INPP4B: variants seen among roughly 807,000 people sequenced by gnomAD.
INPP4B encodes inositol polyphosphate-4-phosphatase type II B.
In INPP4B, 55 loss-of-function variants were observed where a neutral mutation model predicts 122.5. The observed-to-expected ratio is 0.45, with a 90% CI of 0.36 to 0.56. The LOEUF (loss-of-function observed/expected upper bound fraction) is 0.56. INPP4B is among the 20% of genes least tolerant of loss of function. INPP4B has a pLI of 0.00. For missense variants in INPP4B, 1,000 were observed against 1,097.7 expected, an observed-to-expected ratio of 0.91 and a Z score of 1.26; for synonymous variants, 403 against 388.7, an observed-to-expected ratio of 1.04 and a Z score of -0.43.
intron 1 of INPP4B, among the ~76,000 whole-genome samples, chr4:142,762,615 T>C (rs1771514766): frequency 6.6e-6 from 1 of 152,162 alleles, no homozygotes; most frequent in Admixed American, 6.5e-5. Context: ...ATCTAACCCA[T>C]TGCAGTACAC....
rs1447921226 is a variant in INPP4B, at chr4:142,023,521, GTTGT to G, written c.*5257_*5260del. The G allele has an allele frequency of 6.6e-5, 10 of 152,248 alleles. No homozygotes were observed. Among genetic ancestry groups the G allele is most frequent in the African/African-American group, 2.2e-4 (9 of 41,566 alleles). 9.4% of individuals were successfully genotyped at this position (152,248 alleles called of 1,614,324 possible). On this transcript the variant is annotated 3_prime_UTR_variant, in exon 26 of 26. Transcript: ENST00000262992. ...TATGCAAACTTTTGAAAGTTTCATA[GTTGT>G]TTAACAAAATATTTTTAATGTTGAT...
intron 2 of INPP4B, among the ~76,000 whole-genome samples, chr4:142,723,972 T>C (rs1765023442): frequency 6.6e-6 from 1 of 152,146 alleles, no homozygotes; most frequent in African/African-American, 2.4e-5. Context: ...TATTCCTCAA[T>C]ATCTCACTTC....
chr4:142,116,737 T>C (rs1366411329), intron 21 of INPP4B, among the ~76,000 whole-genome samples: 2 of 151,844 alleles, frequency 1.3e-5, no homozygotes, highest in Admixed American at 1.3e-4. Flanking sequence ...CACCCTAACA[T>C]CACAATTAAA....
intron 2 of INPP4B, among the ~76,000 whole-genome samples, chr4:142,714,717 C>T (rs918431403): frequency 4.6e-5 from 7 of 152,100 alleles, no homozygotes; most frequent in African/African-American, 1.7e-4. Context: ...CTTGAAGTTA[C>T]TCTTTTTCTC....
At chr4:142,509,597 T>G (rs1472944220) in intron 2 of INPP4B, among the ~76,000 whole-genome samples, 1 of 152,216 alleles carries the variant, frequency 6.6e-6, no homozygotes, top group African/African-American at 2.4e-5. Context: ...ATGGTGTATA[T>G]GTGCCACATT....
intron 12 of INPP4B, among the ~76,000 whole-genome samples, chr4:142,227,303 G>C (rs1851972741): frequency 6.6e-6 from 1 of 152,134 alleles, no homozygotes; most frequent in East Asian, 1.9e-4. Flanking sequence ...TCTGATGGAA[G>C]ATTGTTTCCA....
At chr4:142,040,447 T>A (rs554678285) in intron 25 of INPP4B, among the ~76,000 whole-genome samples, 1 of 152,206 alleles carries the variant, frequency 6.6e-6, no homozygotes, top group Non-Finnish European at 1.5e-5. Context: ...AAGGGAAGAC[T>A]TGTGGCTGGA....
intron 6 of INPP4B, 102 bp from the exon 7 acceptor site, chr4:142,403,156 T>G (rs1169880172): frequency 6.9e-6 from 5 of 721,864 alleles, no homozygotes; most frequent in African/African-American, 1.8e-5. Flanking sequence ...CCTGAGTCTG[T>G]TTTTCAAGGA....
intron 2 of INPP4B, among the ~76,000 whole-genome samples, chr4:142,628,972 CATTTT>C (rs1560889063): frequency 6.6e-6 from 1 of 152,078 alleles, no homozygotes; most frequent in Non-Finnish European, 1.5e-5. Flanking sequence ...ACCTCTCTCA[CATTTT>C]ATTTATTCTT....
intron 7 of INPP4B, among the ~76,000 whole-genome samples, chr4:142,383,203 T>C (rs1794806046): frequency 6.6e-6 from 1 of 152,168 alleles, no homozygotes; most frequent in Non-Finnish European, 1.5e-5. Context: ...ATTTATAATC[T>C]TTGCACCTAT....
chr4:142,229,675 AAT>A (rs1384151306), intron 12 of INPP4B, among the ~76,000 whole-genome samples: 1 of 152,210 alleles, frequency 6.6e-6, no homozygotes, highest in Non-Finnish European at 1.5e-5. Context: ...GAGATGCCAG[AAT>A]ATCACTCAAA....
intron 17 of INPP4B, among the ~76,000 whole-genome samples, chr4:142,154,310 T>C (rs531242340): frequency 9.2e-5 from 14 of 152,198 alleles, no homozygotes; most frequent in Non-Finnish European, 1.6e-4. Flanking sequence ...AACTAGAACC[T>C]TTGTAATCTG....
At chr4:142,355,856 A>G (rs1783420279) in intron 7 of INPP4B, among the ~76,000 whole-genome samples, 1 of 137,900 alleles carries the variant, frequency 7.3e-6, no homozygotes, top group Non-Finnish European at 1.7e-5. Flanking sequence ...TTTCATGGAG[A>G]GAAGCCTTTT....
intron 18 of INPP4B, among the ~76,000 whole-genome samples, chr4:142,127,660 AT>A (rs1398989801): frequency 6.6e-6 from 1 of 152,224 alleles, no homozygotes. Flanking sequence ...GACAATGACA[AT>A]ATCGGAAAGC....
chr4:142,235,961 T>C (rs1217630513), intron 12 of INPP4B, among the ~76,000 whole-genome samples: 1 of 152,232 alleles, frequency 6.6e-6, no homozygotes, highest in Non-Finnish European at 1.5e-5. Flanking sequence ...AATAAATTAT[T>C]GTTAACTGTA....
At chr4:142,037,270 G>T (rs1322045532) in intron 25 of INPP4B, among the ~76,000 whole-genome samples, 1 of 152,120 alleles carries the variant, frequency 6.6e-6, no homozygotes, top group Non-Finnish European at 1.5e-5. Context: ...TACATGAGGA[G>T]ATATATCCGT....
rs189449284 is a variant in INPP4B, at chr4:142,241,853, C to T, written c.689-3842G>A. On this transcript the variant is annotated intron_variant, in intron 11 of 25. Coordinates refer to ENST00000262992, the MANE Select transcript of INPP4B (RefSeq NM_001101669.3). ...TCAAACATTTATTTCACCAGGTTAT[C>T]GTTTATATGTTTCTCCAGAGGAAGC... 9.9e-4 allele frequency among the ~76,000 whole-genome samples: 150 copies of T among 152,208 alleles called. 1 individual carries two copies. Among genetic ancestry groups the T allele is most frequent in the African/African-American group, 3.3e-3 (139 of 41,558 alleles).
At chr4:142,480,729 G>C in intron 2 of INPP4B, among the ~76,000 whole-genome samples, 1 of 152,108 alleles carries the variant, frequency 6.6e-6, no homozygotes, top group East Asian at 1.9e-4. Context: ...AGTAAAATTG[G>C]CATCTAAAAT....
rs10008759 is a variant in INPP4B, at chr4:142,227,587, A to G, written c.836+10277T>C. Reference sequence around the variant, plus strand: ...AAAATTTGAAAAAATTAGGCCAGGCATGGTAACTCACACCTGTAATCCCAG... The same window carrying G: ...AAAATTTGAAAAAATTAGGCCAGGCGTGGTAACTCACACCTGTAATCCCAG... On this transcript the variant is annotated intron_variant, in intron 12 of 25. Coordinates refer to ENST00000262992, the MANE Select transcript of INPP4B (RefSeq NM_001101669.3). Among the ~76,000 whole-genome samples the G allele has an allele frequency of 4.4e-3, 676 of 152,208 alleles. 3 individuals carry two copies. The highest frequency in any genetic ancestry group is 0.015 in the African/African-American group (638 of 41,528).
Sources: gnomAD v4.1 joint callset for allele counts (sites outside exome capture counted in the v4.1 genomes callset) on GRCh38, gnomAD v4.1.1 for gene constraint, MANE v1.5 for transcripts, NCBI Gene and HGNC (gene_info 2026-07-23, HGNC 2026-07-21) for gene names.